Variants in PRELID2 observed in about 807,000 individuals in gnomAD.
The protein encoded by PRELID2 is PRELI domain-containing protein 2.
A neutral mutation model predicts 28.4 loss-of-function variants in PRELID2; 25 were observed. That is an observed-to-expected ratio of 0.88 (90% CI 0.64 to 1.23). The LOEUF is 1.23. Among genes scored for constraint, PRELID2 ranks in the 50% most tolerant of loss-of-function variants. The probability of loss-of-function intolerance (pLI) is 0.00; values close to 1 mark genes in which losing one functional copy is unlikely to be tolerated. For missense variants in PRELID2, 201 were observed against 214.4 expected (o/e 0.94, Z 0.39); for synonymous variants, 76 against 71.6 (o/e 1.06, Z -0.31).
chr5:145,601,384 G>A (rs560674302), intron 1 of PRELID2, among the ~76,000 whole-genome samples: 14 of 152,118 alleles, frequency 9.2e-5, no homozygotes, highest in South Asian at 4.1e-4. Flanking sequence ...CACCAGCCCC[G>A]TTGATGGTTT....
chr5:145,542,003 G>T (rs571724434), intron 1 of PRELID2, among the ~76,000 whole-genome samples: 29 of 152,044 alleles, frequency 1.9e-4, no homozygotes, highest in African/African-American at 7.0e-4. Context: ...AATATATTTT[G>T]GGGTTTGGGG....
intron 5 of PRELID2, among the ~76,000 whole-genome samples, chr5:145,771,122 CT>C (rs1393984315): frequency 1.3e-5 from 2 of 152,120 alleles, no homozygotes; most frequent in African/African-American, 4.8e-5. Flanking sequence ...CAGGTATACC[CT>C]TTTTTTAATC....
downstream of PRELID2, among the ~76,000 whole-genome samples, chr5:145,752,537 GATTGAATTGAACACT>G (rs1561573901): frequency 6.6e-6 from 1 of 152,136 alleles, no homozygotes; most frequent in African/African-American, 2.4e-5. Context: ...TCGGGAGACG[GATTGAATTGAACACT>G]ATAGACCTCC....
At chr5:145,464,639 T>C in the PRELID2 span, among the ~76,000 whole-genome samples, 1 of 152,184 alleles carries the variant, frequency 6.6e-6, no homozygotes, top group Non-Finnish European at 1.5e-5. Context: ...CAGAGATATA[T>C]GGATGTATTT....
At chr5:145,341,887 T>C in the PRELID2 span, among the ~76,000 whole-genome samples, 2 of 152,204 alleles carry the variant, frequency 1.3e-5, no homozygotes, top group East Asian at 3.9e-4. Flanking sequence ...GATTTAGACT[T>C]TCCCATACAG....
chr5:145,297,225 T>C, the PRELID2 span, among the ~76,000 whole-genome samples: 1 of 152,074 alleles, frequency 6.6e-6, no homozygotes, highest in African/African-American at 2.4e-5. Flanking sequence ...TTTTGGCTTT[T>C]GTTGCCATTG....
At chr5:145,729,521 C>T (rs1473274065) in intron 1 of PRELID2, among the ~76,000 whole-genome samples, 1 of 151,918 alleles carries the variant, frequency 6.6e-6, no homozygotes, top group Non-Finnish European at 1.5e-5. Flanking sequence ...GTCTTACACC[C>T]CATGCCTCAC....
the PRELID2 span, among the ~76,000 whole-genome samples, chr5:145,268,131 C>T: frequency 6.6e-6 from 1 of 152,152 alleles, no homozygotes; most frequent in African/African-American, 2.4e-5. Flanking sequence ...TGTGCAGAAG[C>T]CTTTTAACTC....
At chr5:145,622,659 A>G (rs1306583959) in intron 1 of PRELID2, among the ~76,000 whole-genome samples, 1 of 152,132 alleles carries the variant, frequency 6.6e-6, no homozygotes, top group East Asian at 1.9e-4. Flanking sequence ...ATTGTTCAAG[A>G]AGGTTATTAA....
chr5:145,489,884 A>C (rs773218991), intron 1 of PRELID2, among the ~76,000 whole-genome samples: 1 of 152,152 alleles, frequency 6.6e-6, no homozygotes, highest in Non-Finnish European at 1.5e-5. Flanking sequence ...ATTTTTTCCA[A>C]AACCTTAAAA....
At chr5:145,684,095 G>A (rs1055001500) in intron 1 of PRELID2, among the ~76,000 whole-genome samples, 5 of 152,124 alleles carry the variant, frequency 3.3e-5, no homozygotes, top group African/African-American at 4.8e-5. Context: ...CTTGTGAAAA[G>A]AGACAAAAGG....
At chr5:145,430,455 A>G in the PRELID2 span, among the ~76,000 whole-genome samples, 1 of 152,162 alleles carries the variant, frequency 6.6e-6, no homozygotes, top group Admixed American at 6.5e-5. Context: ...CTTCATGGAA[A>G]CACTGTCTCA....
At chr5:145,290,454 C>T in the PRELID2 span, among the ~76,000 whole-genome samples, 6 of 152,128 alleles carry the variant, frequency 3.9e-5, no homozygotes, top group East Asian at 3.9e-4. Flanking sequence ...TTTGTAGGGA[C>T]GTGGATGAAG....
the PRELID2 span, among the ~76,000 whole-genome samples, chr5:145,349,109 A>G: frequency 1.3e-5 from 2 of 152,106 alleles, no homozygotes; most frequent in Admixed American, 6.6e-5. Context: ...TCTGCTCATA[A>G]TTCTTATACC....
At chr5:145,790,542 A>C (rs1176170471) in intron 5 of PRELID2, among the ~76,000 whole-genome samples, 2 of 152,042 alleles carry the variant, frequency 1.3e-5, no homozygotes, top group African/African-American at 4.8e-5. Context: ...AGGAGGAATA[A>C]GTTTTTAGAT....
At chr5:145,291,242 CAGG>C in the PRELID2 span, among the ~76,000 whole-genome samples, 1 of 145,554 alleles carries the variant, frequency 6.9e-6, no homozygotes, top group African/African-American at 2.6e-5. Context: ...GAGGCTGAGG[CAGG>C]AGAATTGCTT....
the PRELID2 span, among the ~76,000 whole-genome samples, chr5:145,354,110 A>T: frequency 1.3e-5 from 2 of 152,256 alleles, no homozygotes; most frequent in African/African-American, 4.8e-5. Flanking sequence ...CTGTTTTACA[A>T]ACACTCACTC....
At chr5:145,695,285 G>A (rs1338071362) in intron 1 of PRELID2, among the ~76,000 whole-genome samples, 3 of 152,156 alleles carry the variant, frequency 2.0e-5, no homozygotes, top group African/African-American at 4.8e-5. Flanking sequence ...GGCAGAAGAA[G>A]AGCTGCTTAA....
At chr5:145,315,163 G>A in the PRELID2 span, among the ~76,000 whole-genome samples, 14 of 146,696 alleles carry the variant, frequency 9.5e-5, no homozygotes, top group East Asian at 1.7e-3. Context: ...TCCGCCTCCC[G>A]GGCTCAAGCG....
Sources: gnomAD v4.1 joint callset for allele counts (sites outside exome capture counted in the v4.1 genomes callset) on GRCh38, gnomAD v4.1.1 for gene constraint, MANE v1.5 for transcripts, NCBI Gene and HGNC (gene_info 2026-07-23, HGNC 2026-07-21) for gene names.